PCDHGA5: variants seen among roughly 807,000 people sequenced by gnomAD.
The protein encoded by PCDHGA5 is protocadherin gamma subfamily A, 5.
Under a neutral mutation model 56.7 loss-of-function variants are expected in PCDHGA5, and 36 were observed. That is an observed-to-expected ratio of 0.64 (90% confidence interval 0.49 to 0.84). The LOEUF (loss-of-function observed/expected upper bound fraction) is 0.84, where lower values mean the gene tolerates loss of function less well. Among genes scored for constraint, PCDHGA5 ranks in the 40% least tolerant of loss-of-function variants. The probability of loss-of-function intolerance (pLI) is 0.00; values close to 1 mark genes in which losing one functional copy is unlikely to be tolerated. For missense variants in PCDHGA5, 1,305 were observed against 1,201.5 expected (o/e 1.09, Z -1.27); for synonymous variants, 563 against 520.2 (o/e 1.08, Z -1.12).
At chr5:141,510,818 A>C in intron 3 of PCDHGA5, 129 bp from the exon 4 acceptor site, 1 of 1,551,540 alleles carries the variant, frequency 6.4e-7, no homozygotes, top group Non-Finnish European at 8.7e-7. Context: ...TGACCCCTAT[A>C]TTCCCAGTGC....
Position 141,364,342 on chromosome 5 carries a change from A to G in PCDHGA5, c.12A>G (p.Pro4=). The G allele has an allele frequency of 6.5e-7, 1 of 1,540,308 alleles. No individual in the cohort carries two copies. The highest frequency in any genetic ancestry group is 8.7e-7 in the Non-Finnish European group (1 of 1,147,464). Residue 4 remains proline (P), a synonymous_variant, in exon 1 of 4, where the codon CCA becomes CCG. Coordinates refer to ENST00000518069, the MANE Select transcript of PCDHGA5 (RefSeq NM_018918.3). ...GCAGAGAGAAGGCAATGGCGAGTCCACCTAGGGGCTGGGGCTGCGGAGAGC... is the reference window on the plus strand; with the variant it reads ...GCAGAGAGAAGGCAATGGCGAGTCCGCCTAGGGGCTGGGGCTGCGGAGAGC... MAS[P]PRGWGCGELL... is the part of the protein sequence containing the mutation.
At chr5:141,414,135 A>G in intron 1 of PCDHGA5, 1 of 1,595,504 alleles carries the variant, frequency 6.3e-7, no homozygotes, top group Non-Finnish European at 8.5e-7. Context: ...GTTTCTATGA[A>G]ATAGAAATAC....
intron 1 of PCDHGA5, chr5:141,389,522 G>A: frequency 6.2e-7 from 1 of 1,613,178 alleles, no homozygotes; most frequent in Non-Finnish European, 8.5e-7. Context: ...ACGTGAGCCT[G>A]CGCGTGTTAG....
At chr5:141,501,298 C>T (rs998006748) in intron 2 of PCDHGA5, among the ~76,000 whole-genome samples, 216 of 148,422 alleles carry the variant, frequency 1.5e-3, no homozygotes, top group Admixed American at 2.4e-3. Context: ...TATACACACA[C>T]ACACACACAC....
At chr5:141,403,054 A>C in intron 1 of PCDHGA5, 1 of 1,614,062 alleles carries the variant, frequency 6.2e-7, no homozygotes, top group Middle Eastern at 1.6e-4. Flanking sequence ...TTCGCTACTC[A>C]GTGCCTGAAG....
At position 141,366,368 on chromosome 5, in the gene PCDHGA5, A is replaced by G. The variant is rs1198628601; in HGVS notation, c.2038A>G (p.Thr680Ala). 3 of 1,613,858 alleles carry G rather than the reference A, an allele frequency of 1.9e-6. No individual in the cohort carries two copies. The highest frequency in any genetic ancestry group is 2.2e-5 in the South Asian group (2 of 91,066). The change falls in exon 1 of 4, where the codon ACC becomes GCC. Residue 680 changes from threonine to alanine, a missense_variant. By Grantham distance (58) the Thr-to-Ala change is moderately conservative. Coordinates refer to ENST00000518069, the MANE Select transcript of PCDHGA5 (RefSeq NM_018918.3). ...DILADLGSIK[T>A]PIDPEDLDLT... ...CCTGGCTGACCTAGGCAGTATCAAG[A>G]CCCCCATTGACCCTGAGGATCTGGA... is the stretch of plus-strand genomic sequence containing the variant.
chr5:141,410,215 A>G (rs2095369286), intron 1 of PCDHGA5: 11 of 1,613,894 alleles, frequency 6.8e-6, no homozygotes, highest in Non-Finnish European at 8.5e-6. Flanking sequence ...TGCAAGAGAT[A>G]CTGCCAGACC....
chr5:141,476,798 C>T lies in PCDHGA5; in HGVS notation c.2422-18009C>T. 3.1e-6 allele frequency: 5 copies of T among 1,613,660 alleles called. No homozygotes were observed. The highest frequency in any genetic ancestry group is 4.2e-6 in the Non-Finnish European group (5 of 1,180,028). ...AGGGACCCCAGCTCTCTCCGCCAGC[C>T]TGCCTATTCACATCAAGGTGCTGGA... On this transcript the variant is annotated intron_variant, in intron 1 of 3. Coordinates refer to ENST00000518069, the MANE Select transcript of PCDHGA5 (RefSeq NM_018918.3). This position sits in a 1 kb window ranked among gnomAD's most constrained non-coding sequence, Gnocchi z 7.6.
At position 141,485,272 on chromosome 5, in the gene PCDHGA5, C is replaced by T. The variant is rs764196730; in HGVS notation, c.2422-9535C>T. The T allele has an allele frequency of 1.9e-6, 3 of 1,613,948 alleles. No homozygotes were observed. The highest frequency in any genetic ancestry group is 2.7e-5 in the African/African-American group (2 of 74,932). On this transcript the variant is annotated intron_variant, in intron 1 of 3. Transcript: ENST00000518069. The surrounding 1 kb of genome is among the most constrained non-coding windows in gnomAD (Gnocchi z 5.7). ...GTTACGTTTGTGGGCAGATCCGCTACCCGGTCCCAGAGGAGTCACAGGAAG... is the reference window on the plus strand; with the variant it reads ...GTTACGTTTGTGGGCAGATCCGCTATCCGGTCCCAGAGGAGTCACAGGAAG...
chr5:141,389,330 C>T, intron 1 of PCDHGA5: 1 of 1,614,000 alleles, frequency 6.2e-7, no homozygotes. Context: ...TGGGGCCCAA[C>T]GGCCAAGTCT....
At chr5:141,405,093 T>C in intron 1 of PCDHGA5, 1 of 1,613,946 alleles carries the variant, frequency 6.2e-7, no homozygotes, top group Non-Finnish European at 8.5e-7. Flanking sequence ...CTGCTGGCCC[T>C]CAGGCTGAGG....
intron 1 of PCDHGA5, chr5:141,408,336 C>T: frequency 6.2e-7 from 1 of 1,613,910 alleles, no homozygotes; most frequent in Non-Finnish European, 8.5e-7. Flanking sequence ...GCCAAGGGCT[C>T]GGTGGTGGGG....
chr5:141,477,747 C>A lies in PCDHGA5; in HGVS notation c.2422-17060C>A. ...ACAGCTCATATCAGCGATGGGGGCA[C>A]CCCGGTCCTAGCCACCAACATCAGC... On this transcript the variant is annotated intron_variant, in intron 1 of 3. Coordinates refer to ENST00000518069, the MANE Select transcript of PCDHGA5 (RefSeq NM_018918.3). The surrounding 1 kb of genome is among the most constrained non-coding windows in gnomAD (Gnocchi z 4.9). 1.9e-6 allele frequency: 3 copies of A among 1,613,840 alleles called. No individual in the cohort carries two copies. The highest frequency in any genetic ancestry group is 2.5e-6 in the Non-Finnish European group (3 of 1,180,044).
chr5:141,375,877 G>A lies in PCDHGA5; in HGVS notation c.2421+9126G>A, dbSNP rs752155500. ...AGGTGGTGGCGGTGGACAGAGACTC[G>A]GGCCAGAACGCCTGGCTGTCCTACC... On this transcript the variant is annotated intron_variant, in intron 1 of 3. Transcript: ENST00000518069. 8 of 1,613,676 alleles carry A rather than the reference G, an allele frequency of 5.0e-6. No individual in the cohort carries two copies. In the East Asian group the frequency reaches 1.3e-4, roughly 27 times the overall value.
At chr5:141,496,080 C>G (rs2099765822) in intron 2 of PCDHGA5, among the ~76,000 whole-genome samples, 2 of 152,150 alleles carry the variant, frequency 1.3e-5, no homozygotes, top group East Asian at 1.9e-4. Context: ...ACACAACCCC[C>G]CACCCACCAC....
Position 141,439,440 on chromosome 5 carries a change from A to T in PCDHGA5, c.2422-55367A>T, listed in dbSNP as rs147662506. 1.4e-3 allele frequency among the ~76,000 whole-genome samples: 212 copies of T among 152,330 alleles called. 1 individual carries two copies. The highest frequency in any genetic ancestry group is 4.8e-3 in the African/African-American group (198 of 41,576). On this transcript the variant is annotated intron_variant, in intron 1 of 3. Transcript: ENST00000518069. Reference sequence around the variant, plus strand: ...GGTTATAAATTCCCAGGAATATTTTATTGCGGGAGCAAGACTGCACTGCTG... The same window carrying T: ...GGTTATAAATTCCCAGGAATATTTTTTTGCGGGAGCAAGACTGCACTGCTG...
At chr5:141,458,289 T>G (rs2154566205) in intron 1 of PCDHGA5, among the ~76,000 whole-genome samples, 1 of 152,280 alleles carries the variant, frequency 6.6e-6, no homozygotes, top group African/African-American at 2.4e-5. Flanking sequence ...CTGGTCCTCA[T>G]GCTGGTTTAG....
At chr5:141,371,667 A>G in intron 1 of PCDHGA5, 1 of 1,614,022 alleles carries the variant, frequency 6.2e-7, no homozygotes, top group Non-Finnish European at 8.5e-7. Flanking sequence ...GATCACAGCT[A>G]CCGACAAAGG....
chr5:141,365,770 C>G lies in PCDHGA5; in HGVS notation c.1440C>G (p.Asp480Glu). Residue 480 changes from aspartate (D) to glutamate (E), a missense_variant, in exon 1 of 4, where the codon GAC becomes GAG. By Grantham distance (45) the Asp-to-Glu change is conservative. Coordinates refer to ENST00000518069, the MANE Select transcript of PCDHGA5 (RefSeq NM_018918.3). Reference sequence around the variant, plus strand: ...TCTCTGTGACAGCCCATGACCCCGACAGCGGCGACAACGCTCGAGTCACCT... The same window carrying G: ...TCTCTGTGACAGCCCATGACCCCGAGAGCGGCGACAACGCTCGAGTCACCT... ...SIFSVTAHDP[D>E]SGDNARVTYS... The G allele has an allele frequency of 2.5e-6, 4 of 1,613,918 alleles. No individual in the cohort carries two copies. The highest frequency in any genetic ancestry group is 3.4e-6 in the Non-Finnish European group (4 of 1,179,892).
Sources: gnomAD v4.1 joint callset for allele counts (sites outside exome capture counted in the v4.1 genomes callset) on GRCh38, gnomAD v4.1.1 for gene constraint, Gnocchi (gnomAD v3.1) non-coding constraint, MANE v1.5 for transcripts, NCBI Gene and HGNC (gene_info 2026-07-23, HGNC 2026-07-21) for gene names.